Variants in ZDHHC1 observed in about 807,000 individuals in gnomAD.
The protein encoded by ZDHHC1 is palmitoyltransferase ZDHHC1.
In ZDHHC1, 45 loss-of-function variants were observed where a neutral mutation model predicts 46.9. The ratio of observed to expected loss-of-function variants is 0.96; its 90% CI spans 0.76 to 1.23. ZDHHC1 has a LOEUF of 1.23. ZDHHC1 is among the 50% of genes most tolerant of loss of function. The pLI is 0.00. For missense variants in ZDHHC1, 649 were observed against 670.8 expected (o/e 0.97, Z 0.36); for synonymous variants, 291 against 286.0 (o/e 1.02, Z -0.18).
chr16:67,409,253 G>C (rs543135463), intron 1 of ZDHHC1, among the ~76,000 whole-genome samples: 3 of 150,698 alleles, frequency 2.0e-5, no homozygotes, highest in South Asian at 2.1e-4. Flanking sequence ...CAGGATACCC[G>C]CTGATACTCC....
In ZDHHC1 at chr16:67,398,072, G is replaced by A. The variant is rs557937249; in HGVS notation, c.927+140C>T. ...CCCACGCTTGGGCGAGCAGGCACAC[G>A]CTCAGCACAAGCCCGGTCCCTGCTG... is the stretch of plus-strand genomic sequence containing the variant. On this transcript the variant is annotated intron_variant, in intron 8 of 11. Coordinates refer to ENST00000565726, the MANE Select transcript of ZDHHC1 (RefSeq NM_001323627.2). 7.4e-5 allele frequency: 60 copies of A among 812,656 alleles called. No homozygotes were observed. The East Asian group carries it at 1.1e-3, about 16-fold the overall frequency. 50.3% of individuals were successfully genotyped at this position (812,656 alleles called of 1,614,324 possible).
At chr16:67,407,546 T>C (rs1423829595) in intron 2 of ZDHHC1, among the ~76,000 whole-genome samples, 1 of 152,230 alleles carries the variant, frequency 6.6e-6, no homozygotes, top group East Asian at 1.9e-4. Context: ...CAGAGCCAAC[T>C]GCAAGGGTTG....
At chr16:67,412,416 G>T (rs1002387961) in intron 1 of ZDHHC1, among the ~76,000 whole-genome samples, 1 of 152,146 alleles carries the variant, frequency 6.6e-6, no homozygotes, top group Non-Finnish European at 1.5e-5. Context: ...CCTTGTGGAT[G>T]AAACACACTC....
At chr16:67,407,471 C>T (rs1015765857) in intron 2 of ZDHHC1, among the ~76,000 whole-genome samples, 9 of 152,202 alleles carry the variant, frequency 5.9e-5, no homozygotes, top group African/African-American at 1.7e-4. Context: ...CCGCAGACCC[C>T]GACTCAGTGC....
chr16:67,409,855 C>T (rs1460975108), intron 1 of ZDHHC1, among the ~76,000 whole-genome samples: 7 of 152,156 alleles, frequency 4.6e-5, no homozygotes, highest in Non-Finnish European at 7.4e-5. Context: ...GGGTGCCTGC[C>T]CTCAGGGGCT....
chr16:67,408,135 T>C (rs2040694810), intron 1 of ZDHHC1, among the ~76,000 whole-genome samples: 1 of 152,104 alleles, frequency 6.6e-6, no homozygotes, highest in Admixed American at 6.5e-5. Flanking sequence ...CCCCAGGGAT[T>C]CAACTGGTGG....
intron 1 of ZDHHC1, among the ~76,000 whole-genome samples, chr16:67,411,870 T>C (rs1159906889): frequency 1.3e-5 from 2 of 152,144 alleles, no homozygotes; most frequent in African/African-American, 4.8e-5. Context: ...CCCCACACTT[T>C]GGGAGGTCGA....
In ZDHHC1 at chr16:67,398,805, G is replaced by T. The variant is rs762504455; in HGVS notation, c.655+15C>A. 1.2e-6 allele frequency: 2 copies of T among 1,612,306 alleles called. No individual in the cohort carries two copies. The highest frequency in any genetic ancestry group is 1.1e-5 in the South Asian group (1 of 90,648). ...CAGGGTTGGGGGTGAGAATAGGCCC[G>T]GAGCCTAAACTGACCTTCAAAGTGT... is the stretch of plus-strand genomic sequence containing the variant. On this transcript the variant is annotated intron_variant, in intron 6 of 11. Transcript: ENST00000565726.
intron 3 of ZDHHC1, chr16:67,404,781 T>C: frequency 2.2e-6 from 1 of 452,654 alleles, no homozygotes; most frequent in Middle Eastern, 3.3e-4. Flanking sequence ...AGATCATTCA[T>C]GTAAAGTGGC....
At chr16:67,399,503 T>C (rs770777343) in intron 4 of ZDHHC1, 47 bp from the exon 5 acceptor site, 23 of 1,528,578 alleles carry the variant, frequency 1.5e-5, no homozygotes, top group Non-Finnish European at 2.1e-5. Context: ...CATTCCCCGC[T>C]CTGCGGCCCG....
intron 2 of ZDHHC1, among the ~76,000 whole-genome samples, chr16:67,407,530 G>C (rs1355423546): frequency 1.3e-5 from 2 of 152,192 alleles, no homozygotes; most frequent in East Asian, 1.9e-4. Context: ...AATGAGGCTT[G>C]ATCTTCAGAG....
intron 1 of ZDHHC1, among the ~76,000 whole-genome samples, chr16:67,409,228 C>CCTGATACTCCAAATCAGGATACCCG (rs2040711473): frequency 6.6e-6 from 1 of 151,972 alleles, no homozygotes; most frequent in Non-Finnish European, 1.5e-5. Flanking sequence ...CAGGATACCC[C>CCTGATACTCCAAATCAGGATACCCG]CTGATACTCC....
chr16:67,415,863 A>G (rs1228171882), intron 1 of ZDHHC1, among the ~76,000 whole-genome samples: 1 of 152,170 alleles, frequency 6.6e-6, no homozygotes, highest in African/African-American at 2.4e-5. Flanking sequence ...ACCTGAAATC[A>G]CTTTAGTCAT....
rs776392166 is a variant in ZDHHC1 at position 67,394,794 on chromosome 16, G to A, written c.1265C>T (p.Ser422Leu). ...AGPAGAYHSA[S>L]AESVDEIPVA... ...TGGAATCTCGTCCACGGACTCTGCCGACGCCGAGTGGTAGGCGCCGGCAGG... is the reference window on the plus strand; with the variant it reads ...TGGAATCTCGTCCACGGACTCTGCCAACGCCGAGTGGTAGGCGCCGGCAGG... Residue 422 changes from serine to leucine, a missense_variant, in exon 12 of 12, where the codon TCG becomes TTG. Ser to Leu is a moderately radical substitution (Grantham distance 145). Coordinates refer to ENST00000565726, the MANE Select transcript of ZDHHC1 (RefSeq NM_001323627.2). 5 of 1,535,380 alleles carry A rather than the reference G, an allele frequency of 3.3e-6. No individual in the cohort carries two copies. In the African/African-American group the frequency reaches 6.9e-5, roughly 21 times the overall value.
intron 1 of ZDHHC1, among the ~76,000 whole-genome samples, chr16:67,413,316 T>G (rs984514746): frequency 2.0e-4 from 30 of 152,150 alleles, no homozygotes; most frequent in African/African-American, 7.2e-4. Context: ...TTGAAATAAT[T>G]TTCACTGAGA....
chr16:67,408,761 C>T (rs1397360301), intron 1 of ZDHHC1, among the ~76,000 whole-genome samples: 1 of 152,242 alleles, frequency 6.6e-6, no homozygotes, highest in Non-Finnish European at 1.5e-5. Flanking sequence ...ACTGAGATTA[C>T]ATGCATGACC....
At chr16:67,410,790 C>A (rs2040737877) in intron 1 of ZDHHC1, among the ~76,000 whole-genome samples, 2 of 152,068 alleles carry the variant, frequency 1.3e-5, no homozygotes, top group Admixed American at 1.3e-4. Flanking sequence ...CTCAGCCTCC[C>A]AAGTAGCCGG....
At chr16:67,412,390 T>A (rs2040761368) in intron 1 of ZDHHC1, among the ~76,000 whole-genome samples, 1 of 152,150 alleles carries the variant, frequency 6.6e-6, no homozygotes, top group Admixed American at 6.5e-5. Flanking sequence ...CCTGCCTTCC[T>A]GGCCCCACTG....
At chr16:67,407,497 C>T (rs1379826439) in intron 2 of ZDHHC1, among the ~76,000 whole-genome samples, 1 of 152,220 alleles carries the variant, frequency 6.6e-6, no homozygotes, top group Non-Finnish European at 1.5e-5. Flanking sequence ...CCTGGATCAC[C>T]TTTCTCACTT....
Sources: gnomAD v4.1 joint callset for allele counts (sites outside exome capture counted in the v4.1 genomes callset) on GRCh38, gnomAD v4.1.1 for gene constraint, MANE v1.5 for transcripts, NCBI Gene and HGNC (gene_info 2026-07-23, HGNC 2026-07-21) for gene names.